The following C10orf90 variants were observed in gnomAD, a reference collection of about 807,000 sequenced individuals.
The protein encoded by C10orf90 is chromosome 10 open reading frame 90, also known as (E2-independent) E3 ubiquitin-conjugating enzyme FATS.
Under a neutral mutation model 62.5 loss-of-function variants are expected in C10orf90, and 56 were observed. That is an observed-to-expected ratio of 0.90 (90% CI 0.72 to 1.12). C10orf90 has a LOEUF of 1.12. Among genes scored for constraint, C10orf90 ranks in the 50% most tolerant of loss-of-function variants. The pLI, the probability that C10orf90 is intolerant of heterozygous loss-of-function variation, is 0.00. For missense variants in C10orf90, 970 were observed against 880.4 expected (o/e 1.10, Z -1.29); for synonymous variants, 386 against 340.4 (o/e 1.13, Z -1.47).
chr10:126,585,716 T>G (rs2134021879), intron 2 of C10orf90, among the ~76,000 whole-genome samples: 1 of 152,244 alleles, frequency 6.6e-6, no homozygotes, highest in East Asian at 1.9e-4. Context: ...ATTTATGAAT[T>G]GAAGACCAAA....
At position 126,639,774 on chromosome 10, in the gene C10orf90, G is replaced by A. The variant is rs73370846; in HGVS notation, c.313+6791C>T. On this transcript the variant is annotated intron_variant, in intron 2 of 9. Transcript: ENST00000488181. ...CGAAATCTGCAGTTGAGCTCCTTTC[G>A]TAGTACAGTGTTTTACCAATTACTT... Among the ~76,000 whole-genome samples, 461 of 152,316 alleles carry A rather than the reference G, an allele frequency of 3.0e-3. 4 individuals are homozygous for A. The highest frequency in any genetic ancestry group is 0.026 in the South Asian group (124 of 4,828).
At chr10:126,444,117 A>G (rs1232258692) in intron 7 of C10orf90, among the ~76,000 whole-genome samples, 1 of 152,090 alleles carries the variant, frequency 6.6e-6, no homozygotes, top group Non-Finnish European at 1.5e-5. Flanking sequence ...TGGAAAAGAG[A>G]AGGATGCCCA....
At chr10:126,561,220 A>C (rs148581429) in intron 2 of C10orf90, among the ~76,000 whole-genome samples, 73 of 152,338 alleles carry the variant, frequency 4.8e-4, no homozygotes, top group African/African-American at 1.7e-3. Context: ...AAAGTACACC[A>C]AGAATATAAT....
chr10:126,452,902 T>C (rs917247142), intron 7 of C10orf90, among the ~76,000 whole-genome samples: 11 of 152,148 alleles, frequency 7.2e-5, no homozygotes, highest in African/African-American at 2.7e-4. Context: ...GCCCCAAATA[T>C]TTATTAAAGG....
intron 2 of C10orf90, among the ~76,000 whole-genome samples, chr10:126,635,877 T>C (rs546655770): frequency 4.7e-5 from 7 of 148,326 alleles, no homozygotes; most frequent in African/African-American, 1.5e-4. Context: ...CTCTGTGATC[T>C]GTACTCACTC....
intron 2 of C10orf90, among the ~76,000 whole-genome samples, chr10:126,577,603 T>C (rs1310806970): frequency 6.6e-6 from 1 of 152,100 alleles, no homozygotes; most frequent in African/African-American, 2.4e-5. Flanking sequence ...CTTTCCCAAG[T>C]TGATTCATAA....
chr10:126,504,218 G>C lies in C10orf90; in HGVS notation c.1273C>G (p.Gln425Glu), dbSNP rs369303945. 1.9e-6 allele frequency: 3 copies of C among 1,614,038 alleles called. No individual in the cohort carries two copies. In the African/African-American group the frequency reaches 4.0e-5, roughly 22 times the overall value. ...TTCCAGCGCTGGCCTACGAGGTCCT[G>C]GTCTCCCTCCAGGAGCTCCTGCTTC... ...ALKQELLEGD[Q>E]DLVGQRWNPG... is the part of the protein sequence containing the mutation. Residue 425 changes from glutamine (Q) to glutamate (E), a missense_variant, in exon 4 of 10, where the codon CAG becomes GAG. Transcript: ENST00000488181. The surrounding 1 kb of genome is among the most constrained non-coding windows in gnomAD (Gnocchi z 4.1).
At chr10:126,446,223 A>T (rs973336652) in intron 7 of C10orf90, among the ~76,000 whole-genome samples, 1 of 152,148 alleles carries the variant, frequency 6.6e-6, no homozygotes, top group Non-Finnish European at 1.5e-5. Flanking sequence ...CTTATTTAAA[A>T]ATGTACCAAA....
chr10:126,660,848 T>G (rs1470772519), intron 1 of C10orf90, among the ~76,000 whole-genome samples: 2 of 152,226 alleles, frequency 1.3e-5, no homozygotes, highest in African/African-American at 4.8e-5. Context: ...CAGTCATAAG[T>G]ACAGCAGCTA....
In C10orf90 at chr10:126,642,596, C is replaced by A. The variant is rs538285060; in HGVS notation, c.313+3969G>T. ...TTCAGGACAGTGCTCCTCTTCCCACCCCACACATGTGGCTCCTCCTGGTTT... is the reference window on the plus strand; with the variant it reads ...TTCAGGACAGTGCTCCTCTTCCCACACCACACATGTGGCTCCTCCTGGTTT... On this transcript the variant is annotated intron_variant, in intron 2 of 9. Transcript: ENST00000488181. Among the ~76,000 whole-genome samples, 508 of 152,214 alleles carry A rather than the reference C, an allele frequency of 3.3e-3. 3 individuals carry two copies. Among genetic ancestry groups the A allele is most frequent in the African/African-American group, 0.012 (496 of 41,508 alleles).
chr10:126,523,016 C>T (rs1863816697), intron 2 of C10orf90: 1 of 152,112 alleles, frequency 6.6e-6, no homozygotes, highest in Admixed American at 6.5e-5. Context: ...TCATGGAACG[C>T]TCCCTCAAAA....
intron 2 of C10orf90, among the ~76,000 whole-genome samples, chr10:126,585,996 T>C (rs371404963): frequency 2.6e-5 from 4 of 152,248 alleles, no homozygotes; most frequent in African/African-American, 4.8e-5. Context: ...TGAAGATTAC[T>C]GAACAGAGAA....
intron 2 of C10orf90, among the ~76,000 whole-genome samples, chr10:126,552,235 A>G (rs550668989): frequency 2.0e-5 from 3 of 152,286 alleles, no homozygotes; most frequent in African/African-American, 4.8e-5. Context: ...TTTCCCATAC[A>G]GGGAACCATG....
intron 2 of C10orf90, among the ~76,000 whole-genome samples, chr10:126,550,847 A>G (rs1864615208): frequency 6.6e-6 from 1 of 152,174 alleles, no homozygotes; most frequent in Non-Finnish European, 1.5e-5. Flanking sequence ...ACATGAACCT[A>G]TAATTGTCAC....
At chr10:126,649,818 G>T (rs1422666213) in intron 1 of C10orf90, among the ~76,000 whole-genome samples, 2 of 152,198 alleles carry the variant, frequency 1.3e-5, no homozygotes, top group Admixed American at 6.5e-5. Context: ...AGACCCAGAG[G>T]TTGCTGGGAG....
chr10:126,512,567 T>C (rs953578315), intron 3 of C10orf90, among the ~76,000 whole-genome samples: 6 of 152,132 alleles, frequency 3.9e-5, no homozygotes, highest in African/African-American at 1.4e-4. Flanking sequence ...ATATCCTCAG[T>C]TGATATCTTT....
At position 126,669,703 on chromosome 10, in the gene C10orf90, C is replaced by CT. The variant is rs67897578; in HGVS notation, c.240+537dup. 1.6e-3 allele frequency among the ~76,000 whole-genome samples: 232 copies of CT among 145,526 alleles called. 2 individuals are homozygous for CT. Among genetic ancestry groups the CT allele is most frequent in the African/African-American group, 5.4e-3 (215 of 39,778 alleles). On this transcript the variant is annotated intron_variant, in intron 1 of 9. Transcript: ENST00000488181. ...TCTCCAAAGTTCTCTCACTCTCTGT[C>CT]TTTTTTTTTTTTTTTACAAAGTTGT...
intron 4 of C10orf90, among the ~76,000 whole-genome samples, chr10:126,483,660 A>C (rs1861276578): frequency 6.6e-6 from 1 of 152,226 alleles, no homozygotes. Flanking sequence ...TCTTCAGAAT[A>C]AGACTTCAGC....
chr10:126,599,896 T>C (rs532074383), intron 2 of C10orf90, among the ~76,000 whole-genome samples: 17 of 152,306 alleles, frequency 1.1e-4, no homozygotes, highest in African/African-American at 3.6e-4. Context: ...CTGTAATAAA[T>C]GTGAAACACA....
Sources: gnomAD v4.1 joint callset for allele counts (sites outside exome capture counted in the v4.1 genomes callset) on GRCh38, gnomAD v4.1.1 for gene constraint, Gnocchi (gnomAD v3.1) non-coding constraint, MANE v1.5 for transcripts, NCBI Gene and HGNC (gene_info 2026-07-23, HGNC 2026-07-21) for gene names.